Variants in CNTN4 observed in about 807,000 individuals in gnomAD.
CNTN4 encodes contactin 4.
CNTN4 carries 77 observed loss-of-function variants against 122.5 expected under a neutral mutation model. The ratio of observed to expected loss-of-function variants is 0.63; its 90% CI spans 0.52 to 0.76. The LOEUF is 0.76. Among genes scored for constraint, CNTN4 ranks in the 30% least tolerant of loss-of-function variants. CNTN4 has a pLI of 0.00. For synonymous variants in CNTN4, 512 were observed against 447.0 expected, an observed-to-expected ratio of 1.15 and a Z score of -1.83; for missense variants, 1,256 against 1,259.1, an observed-to-expected ratio of 1.00 and a Z score of 0.04.
intron 7 of CNTN4, among the ~76,000 whole-genome samples, chr3:2,820,742 G>A (rs1381451868): frequency 6.6e-6 from 1 of 151,678 alleles, no homozygotes; most frequent in East Asian, 1.9e-4. Context: ...GAAATTACAA[G>A]GGTTTTGGGA....
rs188440748 is a variant in CNTN4 at position 2,695,811 on chromosome 3, G to C, written c.56-40404G>C. Among the ~76,000 whole-genome samples the C allele has an allele frequency of 4.2e-4, 64 of 152,268 alleles. 1 individual carries two copies. Among genetic ancestry groups the C allele is most frequent in the African/African-American group, 1.4e-3 (57 of 41,560 alleles). On this transcript the variant is annotated intron_variant, in intron 4 of 24. Coordinates refer to ENST00000418658, the MANE Select transcript of CNTN4 (RefSeq NM_175607.3). ...GGGTTTTAGGGAAAGAATTTTAGAA[G>C]TGTCACCAGAGTTGAGTCTGAAATT... is the stretch of plus-strand genomic sequence containing the variant.
intron 3 of CNTN4, among the ~76,000 whole-genome samples, chr3:2,361,615 A>G (rs1032011587): frequency 6.6e-6 from 1 of 152,234 alleles, no homozygotes; most frequent in Non-Finnish European, 1.5e-5. Flanking sequence ...ATCCAACTGT[A>G]TTGGAATAAG....
At chr3:2,575,321 G>A (rs1297016919) in intron 4 of CNTN4, among the ~76,000 whole-genome samples, 1 of 152,076 alleles carries the variant, frequency 6.6e-6, no homozygotes, top group Non-Finnish European at 1.5e-5. Flanking sequence ...ACAGCAGTGT[G>A]GCCAACATGG....
intron 3 of CNTN4, among the ~76,000 whole-genome samples, chr3:2,558,774 C>A (rs563536197): frequency 9.9e-5 from 15 of 152,282 alleles, no homozygotes; most frequent in African/African-American, 3.6e-4. Context: ...GCAACCCTAA[C>A]CCTCATCTCA....
At chr3:2,588,531 A>G (rs942849046) in intron 4 of CNTN4, among the ~76,000 whole-genome samples, 4 of 151,906 alleles carry the variant, frequency 2.6e-5, no homozygotes, top group African/African-American at 4.8e-5. Flanking sequence ...ATGCCCAACT[A>G]ATTTTTTGTA....
intron 13 of CNTN4, among the ~76,000 whole-genome samples, chr3:2,957,248 C>G (rs911764181): frequency 4.6e-5 from 7 of 152,134 alleles, no homozygotes; most frequent in Non-Finnish European, 7.4e-5. Flanking sequence ...ATTTACATTC[C>G]TATCAGCAGT....
At chr3:2,666,202 G>A (rs1371551064) in intron 4 of CNTN4, among the ~76,000 whole-genome samples, 1 of 152,156 alleles carries the variant, frequency 6.6e-6, no homozygotes, top group Non-Finnish European at 1.5e-5. Context: ...CAATAAATAT[G>A]CTTCCTTTTA....
At chr3:2,260,212 A>AT (rs1417647091) in intron 2 of CNTN4, among the ~76,000 whole-genome samples, 1 of 151,952 alleles carries the variant, frequency 6.6e-6, no homozygotes. Context: ...CAGCCCATTG[A>AT]TATTTTGGGC....
intron 7 of CNTN4, among the ~76,000 whole-genome samples, chr3:2,864,014 A>C (rs2093697080): frequency 6.6e-6 from 1 of 152,220 alleles, no homozygotes; most frequent in South Asian, 2.1e-4. Context: ...CAAAGGAATC[A>C]ACCTATTTTT....
intron 2 of CNTN4, among the ~76,000 whole-genome samples, chr3:2,302,398 A>T (rs2042557318): frequency 6.6e-6 from 1 of 152,216 alleles, no homozygotes; most frequent in South Asian, 2.1e-4. Context: ...ACTGCACTCC[A>T]GCCTGGGTGA....
At chr3:2,342,520 A>G (rs566299223) in intron 3 of CNTN4, among the ~76,000 whole-genome samples, 2 of 152,314 alleles carry the variant, frequency 1.3e-5, no homozygotes, top group Admixed American at 1.3e-4. Flanking sequence ...CTCATCTTGT[A>G]GTTCCCATAA....
At chr3:2,437,988 G>T (rs1475065923) in intron 3 of CNTN4, among the ~76,000 whole-genome samples, 1 of 152,116 alleles carries the variant, frequency 6.6e-6, no homozygotes, top group Non-Finnish European at 1.5e-5. Context: ...AATTGGTACT[G>T]CATTATATTT....
At chr3:2,272,969 C>T (rs1000105504) in intron 2 of CNTN4, among the ~76,000 whole-genome samples, 8 of 152,030 alleles carry the variant, frequency 5.3e-5, no homozygotes, top group African/African-American at 1.9e-4. Flanking sequence ...TCCCCAAAGC[C>T]CTGCGTCTTG....
chr3:2,831,016 C>A (rs1333500529), intron 7 of CNTN4, among the ~76,000 whole-genome samples: 1 of 152,092 alleles, frequency 6.6e-6, no homozygotes, highest in African/African-American at 2.4e-5. Flanking sequence ...GAGTCTTAGG[C>A]ACAAATAAGA....
chr3:2,833,866 G>A (rs1048750322), intron 7 of CNTN4, among the ~76,000 whole-genome samples: 1 of 152,168 alleles, frequency 6.6e-6, no homozygotes, highest in African/African-American at 2.4e-5. Flanking sequence ...TGGGCTGGGC[G>A]AGGTGGCTCA....
chr3:2,121,270 C>T (rs757839126), intron 2 of CNTN4, among the ~76,000 whole-genome samples: 8 of 152,032 alleles, frequency 5.3e-5, no homozygotes, highest in Admixed American at 2.0e-4. Context: ...GAGGCCGAGG[C>T]GGGCAGATCA....
intron 13 of CNTN4, among the ~76,000 whole-genome samples, chr3:2,953,613 A>C (rs1478441021): frequency 3.9e-5 from 6 of 152,114 alleles, no homozygotes; most frequent in African/African-American, 1.2e-4. Flanking sequence ...ACACTGGAGA[A>C]GTCATTTATA....
intron 3 of CNTN4, among the ~76,000 whole-genome samples, chr3:2,364,533 G>T (rs1383479724): frequency 1.3e-5 from 2 of 151,920 alleles, no homozygotes; most frequent in Non-Finnish European, 2.9e-5. Context: ...CATTTCAAAA[G>T]AACCTTCTGG....
At chr3:2,183,138 A>G (rs1426586576) in intron 2 of CNTN4, among the ~76,000 whole-genome samples, 2 of 152,174 alleles carry the variant, frequency 1.3e-5, no homozygotes, top group Admixed American at 6.5e-5. Context: ...GAAAGCAGCT[A>G]TAACATTTGA....
Sources: gnomAD v4.1 joint callset for allele counts (sites outside exome capture counted in the v4.1 genomes callset) on GRCh38, gnomAD v4.1.1 for gene constraint, MANE v1.5 for transcripts, NCBI Gene and HGNC (gene_info 2026-07-23, HGNC 2026-07-21) for gene names.